The following NELL1 variants were observed in gnomAD, a reference collection of about 807,000 sequenced individuals.
NELL1 encodes neural EGFL like 1, also known as protein kinase C-binding protein NELL1.
A neutral mutation model predicts 107.4 loss-of-function variants in NELL1; 76 were observed. The observed-to-expected ratio is 0.71, with a 90% CI of 0.59 to 0.86. The LOEUF (loss-of-function observed/expected upper bound fraction) is 0.86. NELL1 is among the 40% of genes least tolerant of loss of function. The probability of loss-of-function intolerance (pLI) is 0.00; values close to 1 mark genes in which losing one functional copy is unlikely to be tolerated. For missense variants in NELL1, 1,024 were observed against 1,005.5 expected (o/e 1.02, Z -0.25); for synonymous variants, 353 against 341.2 (o/e 1.03, Z -0.38).
At chr11:20,771,669 C>A (rs775390054) in intron 2 of NELL1, among the ~76,000 whole-genome samples, 1 of 152,196 alleles carries the variant, frequency 6.6e-6, no homozygotes, top group Non-Finnish European at 1.5e-5. Context: ...GATGCCAGCT[C>A]TATTTTGAAG....
intron 14 of NELL1, among the ~76,000 whole-genome samples, chr11:21,240,563 A>G (rs1858327055): frequency 6.6e-6 from 1 of 152,004 alleles, no homozygotes; most frequent in Non-Finnish European, 1.5e-5. Context: ...CATCAGTTTG[A>G]TAAAGGACTG....
chr11:20,699,212 G>A (rs921584042), intron 2 of NELL1, among the ~76,000 whole-genome samples: 3 of 151,354 alleles, frequency 2.0e-5, no homozygotes, highest in Admixed American at 6.6e-5. Flanking sequence ...GCAAGACTCT[G>A]TCTCAAAAAC....
intron 14 of NELL1, among the ~76,000 whole-genome samples, chr11:21,289,402 G>A (rs569138819): frequency 4.0e-4 from 61 of 152,296 alleles, no homozygotes; most frequent in African/African-American, 1.3e-3. Context: ...CCTGGGAAGT[G>A]CAAGGGGTCA....
At chr11:21,299,938 A>G (rs1349839940) in intron 14 of NELL1, among the ~76,000 whole-genome samples, 1 of 152,014 alleles carries the variant, frequency 6.6e-6, no homozygotes, top group Non-Finnish European at 1.5e-5. Flanking sequence ...TAATTGGTGA[A>G]CCTCTGCTAT....
intron 10 of NELL1, among the ~76,000 whole-genome samples, chr11:20,942,826 A>G (rs139452708): frequency 1.8e-3 from 276 of 152,336 alleles, no homozygotes; most frequent in African/African-American, 6.3e-3. Context: ...ATCAGCCATA[A>G]CACTTAAAAT....
intron 7 of NELL1, among the ~76,000 whole-genome samples, chr11:20,921,764 A>T (rs898650076): frequency 2.0e-5 from 3 of 148,522 alleles, no homozygotes; most frequent in Admixed American, 6.7e-5. Flanking sequence ...GAAGAAGGTT[A>T]TGGCAAGAGC....
At chr11:21,302,425 G>T (rs1192534126) in intron 14 of NELL1, among the ~76,000 whole-genome samples, 1 of 151,940 alleles carries the variant, frequency 6.6e-6, no homozygotes, top group Non-Finnish European at 1.5e-5. Flanking sequence ...ATGTGCAAAT[G>T]GTTATCAAGC....
At chr11:21,489,581 G>A (rs1276379063) in intron 15 of NELL1, among the ~76,000 whole-genome samples, 1 of 151,716 alleles carries the variant, frequency 6.6e-6, no homozygotes, top group Non-Finnish European at 1.5e-5. Context: ...AACAGTACGT[G>A]AAAAGGAAAA....
chr11:21,332,176 C>G (rs929557978), intron 14 of NELL1, among the ~76,000 whole-genome samples: 8 of 152,118 alleles, frequency 5.3e-5, no homozygotes, highest in African/African-American at 1.9e-4. Context: ...CATAATGCCC[C>G]ATTGGTTATT....
At chr11:20,933,073 G>A (rs182907505) in intron 9 of NELL1, among the ~76,000 whole-genome samples, 8 of 152,220 alleles carry the variant, frequency 5.3e-5, no homozygotes, top group African/African-American at 1.9e-4. Flanking sequence ...TTTTGGTACT[G>A]CAATCAAGGT....
intron 14 of NELL1, among the ~76,000 whole-genome samples, chr11:21,309,290 A>ATATATATG (rs1565160499): frequency 1.6e-5 from 2 of 123,738 alleles, no homozygotes. Flanking sequence ...GTATATATAT[A>ATATATATG]TATATATATG....
intron 9 of NELL1, among the ~76,000 whole-genome samples, chr11:20,935,143 C>A (rs1850697008): frequency 2.0e-5 from 3 of 152,156 alleles, no homozygotes; most frequent in Non-Finnish European, 4.4e-5. Flanking sequence ...GACATTTTCC[C>A]TACCCTCATG....
At chr11:20,725,342 C>T (rs1855485269) in intron 2 of NELL1, among the ~76,000 whole-genome samples, 1 of 152,142 alleles carries the variant, frequency 6.6e-6, no homozygotes, top group African/African-American at 2.4e-5. Context: ...TTTCCTGTGT[C>T]AGTGGCATCA....
At chr11:21,073,355 AATACAGGT>A (rs1854060483) in intron 12 of NELL1, among the ~76,000 whole-genome samples, 1 of 152,154 alleles carries the variant, frequency 6.6e-6, no homozygotes, top group African/African-American at 2.4e-5. Flanking sequence ...AAGAAGGAAA[AATACAGGT>A]ATACACCAAT....
intron 2 of NELL1, among the ~76,000 whole-genome samples, chr11:20,712,447 G>A (rs7925242): frequency 9.7e-4 from 147 of 152,184 alleles, no homozygotes; most frequent in African/African-American, 3.4e-3. Context: ...ACTTTGAGTA[G>A]CTTAATAATC....
chr11:20,681,615 T>A (rs1285251472), intron 2 of NELL1, among the ~76,000 whole-genome samples: 2 of 152,096 alleles, frequency 1.3e-5, no homozygotes, highest in African/African-American at 2.4e-5. Context: ...CACTTCCAGT[T>A]ACCTAAAGTT....
At chr11:21,078,517 T>C (rs956980211) in intron 12 of NELL1, among the ~76,000 whole-genome samples, 2 of 152,092 alleles carry the variant, frequency 1.3e-5, no homozygotes, top group Admixed American at 6.5e-5. Flanking sequence ...CCATAGGAAA[T>C]AGGCAGTCAT....
intron 14 of NELL1, among the ~76,000 whole-genome samples, chr11:21,350,438 GA>G (rs1233506731): frequency 1.3e-5 from 2 of 151,664 alleles, no homozygotes; most frequent in Non-Finnish European, 2.9e-5. Context: ...AATCCAAAAG[GA>G]AAAAAACTTC....
intron 4 of NELL1, among the ~76,000 whole-genome samples, chr11:20,865,547 T>G (rs1411264761): frequency 8.7e-6 from 1 of 115,384 alleles, no homozygotes; most frequent in Non-Finnish European, 2.0e-5. Context: ...TGGGCTTCTT[T>G]GCCATCTGGA....
Sources: gnomAD v4.1 joint callset for allele counts (sites outside exome capture counted in the v4.1 genomes callset) on GRCh38, gnomAD v4.1.1 for gene constraint, MANE v1.5 for transcripts, NCBI Gene and HGNC (gene_info 2026-07-23, HGNC 2026-07-21) for gene names.